Variants in CDH13 observed in about 807,000 individuals in gnomAD.
CDH13 encodes cadherin 13.
In CDH13, 24 loss-of-function variants were observed where a neutral mutation model predicts 63.8. That is an observed-to-expected ratio of 0.38 (90% CI 0.27 to 0.53). CDH13 has a LOEUF of 0.53. Ranked by LOEUF, CDH13 falls within the 20% of genes least tolerant of loss-of-function variation. The pLI, the probability that CDH13 is intolerant of heterozygous loss-of-function variation, is 0.85. For missense variants in CDH13, 1,049 were observed against 903.1 expected (o/e 1.16, Z -2.07); for synonymous variants, 503 against 355.3 (o/e 1.42, Z -4.67).
chr16:83,526,507 C>T (rs1432356395), intron 7 of CDH13, among the ~76,000 whole-genome samples: 1 of 152,138 alleles, frequency 6.6e-6, no homozygotes, highest in African/African-American at 2.4e-5. Context: ...AGGTTTTGCA[C>T]TCCTATCAGG....
At chr16:82,984,611 C>G (rs1176074597) in intron 2 of CDH13, among the ~76,000 whole-genome samples, 2 of 152,140 alleles carry the variant, frequency 1.3e-5, no homozygotes, top group African/African-American at 2.4e-5. Context: ...TGTATTAGCT[C>G]ATTTGTTTGT....
In CDH13 at chr16:83,240,715, A is replaced by ACCT. The variant is rs1567531884; in HGVS notation, c.636+23218_636+23219insCCT. Reference sequence around the variant, plus strand: ...ACATGACTTTAAATTTACTGTCTTAATCTTTTTTTTTTTTTTTTTTTTTTT... The same window carrying ACCT: ...ACATGACTTTAAATTTACTGTCTTAACCTTCTTTTTTTTTTTTTTTTTTTTTTT... On this transcript the variant is annotated intron_variant, in intron 5 of 13. Transcript: ENST00000567109. 3.0e-3 allele frequency among the ~76,000 whole-genome samples: 149 copies of ACCT among 49,510 alleles called. 12 individuals carry two copies. Among genetic ancestry groups the ACCT allele is most frequent in the Non-Finnish European group, 5.7e-3 (134 of 23,704 alleles). 32.5% of individuals were successfully genotyped at this position (49,510 alleles called of 152,430 possible).
At chr16:83,760,284 G>A (rs924895254) in intron 11 of CDH13, among the ~76,000 whole-genome samples, 2 of 152,140 alleles carry the variant, frequency 1.3e-5, no homozygotes, top group African/African-American at 4.8e-5. Flanking sequence ...GTACAGCCAC[G>A]TTGGAAACAT....
At chr16:83,754,317 C>T (rs144346628) in intron 11 of CDH13, among the ~76,000 whole-genome samples, 26 of 152,270 alleles carry the variant, frequency 1.7e-4, no homozygotes, top group African/African-American at 5.5e-4. Flanking sequence ...AATTGGATTT[C>T]CTGGAGCCTT....
chr16:83,338,192 A>AAAAC (rs1447535921), intron 5 of CDH13, among the ~76,000 whole-genome samples: 3 of 151,338 alleles, frequency 2.0e-5, no homozygotes, highest in African/African-American at 7.3e-5. Flanking sequence ...TTTAAAAAAA[A>AAAAC]AAAAAAAAAA....
intron 5 of CDH13, among the ~76,000 whole-genome samples, chr16:83,343,325 A>G (rs2090767901): frequency 6.6e-6 from 1 of 152,218 alleles, no homozygotes; most frequent in South Asian, 2.1e-4. Flanking sequence ...AATAAAGTTT[A>G]AAAATTATTG....
intron 7 of CDH13, among the ~76,000 whole-genome samples, chr16:83,524,660 G>T (rs1025071490): frequency 7.2e-5 from 11 of 151,916 alleles, no homozygotes; most frequent in Admixed American, 3.9e-4. Context: ...CACCATGTTA[G>T]CCAGGATGGT....
chr16:83,159,125 G>A (rs1003760167), intron 4 of CDH13, among the ~76,000 whole-genome samples: 13 of 150,876 alleles, frequency 8.6e-5, no homozygotes, highest in South Asian at 6.3e-4. Context: ...TTTCTGTCTC[G>A]GTAAAAGTTC....
chr16:82,909,300 G>T (rs529001018), intron 2 of CDH13, among the ~76,000 whole-genome samples: 2 of 149,052 alleles, frequency 1.3e-5, no homozygotes, highest in East Asian at 4.0e-4. Context: ...GTGTAGACAC[G>T]TAGAATTTTG....
intron 1 of CDH13, among the ~76,000 whole-genome samples, chr16:82,721,328 A>C (rs987005280): frequency 2.6e-5 from 4 of 152,176 alleles, no homozygotes; most frequent in African/African-American, 9.7e-5. Context: ...AGGAATACAG[A>C]TGAAGGAACA....
chr16:83,304,274 G>T (rs1567577456), intron 5 of CDH13, among the ~76,000 whole-genome samples: 1 of 152,118 alleles, frequency 6.6e-6, no homozygotes, highest in African/African-American at 2.4e-5. Flanking sequence ...GGATGTGTCA[G>T]TTCCATCTTG....
intron 1 of CDH13, among the ~76,000 whole-genome samples, chr16:82,728,712 A>T (rs1787865099): frequency 6.6e-6 from 1 of 152,162 alleles, no homozygotes; most frequent in Non-Finnish European, 1.5e-5. Flanking sequence ...GTTTCTAAAA[A>T]GAAGACCACA....
At chr16:82,987,094 G>T (rs1271292489) in intron 2 of CDH13, among the ~76,000 whole-genome samples, 1 of 152,194 alleles carries the variant, frequency 6.6e-6, no homozygotes, top group Non-Finnish European at 1.5e-5. Context: ...GAGAGGACAT[G>T]TGAATCAGTG....
At position 83,599,491 on chromosome 16, in the gene CDH13, C is replaced by G. The variant is rs76137825; in HGVS notation, c.961-2963C>G. Among the ~76,000 whole-genome samples the G allele has an allele frequency of 2.2e-3, 338 of 152,288 alleles. 2 individuals are homozygous for G. The highest frequency in any genetic ancestry group is 7.8e-3 in the African/African-American group (326 of 41,560). The stretch of plus-strand genomic sequence containing the variant: ...TCCTAGTAATTCCACATCTTGGGAT[C>G]TATCAGTCAAAAACAAACCAAAAAA... On this transcript the variant is annotated intron_variant, in intron 7 of 13. Coordinates refer to ENST00000567109, the MANE Select transcript of CDH13 (RefSeq NM_001257.5).
chr16:83,557,693 A>G (rs1244366271), intron 7 of CDH13, among the ~76,000 whole-genome samples: 1 of 152,076 alleles, frequency 6.6e-6, no homozygotes, highest in Admixed American at 6.6e-5. Context: ...GCAGGAGATA[A>G]GCAGCGGGGA....
At chr16:82,829,897 T>C (rs2038449399) in intron 1 of CDH13, among the ~76,000 whole-genome samples, 1 of 152,182 alleles carries the variant, frequency 6.6e-6, no homozygotes. Context: ...ATGCCTCATC[T>C]CCTTTGAGGA....
chr16:82,856,249 G>T (rs1243552142), intron 1 of CDH13, among the ~76,000 whole-genome samples: 1 of 151,566 alleles, frequency 6.6e-6, no homozygotes, highest in South Asian at 2.1e-4. Context: ...GGTGGCGGGC[G>T]CCTGTAGTCC....
chr16:83,596,548 A>G (rs1214419926), intron 7 of CDH13, among the ~76,000 whole-genome samples: 1 of 152,196 alleles, frequency 6.6e-6, no homozygotes, highest in East Asian at 1.9e-4. Context: ...CCTAAAGAGC[A>G]TCTCTTCCAG....
At chr16:83,586,076 C>A (rs1022420514) in intron 7 of CDH13, among the ~76,000 whole-genome samples, 1 of 152,220 alleles carries the variant, frequency 6.6e-6, no homozygotes, top group African/African-American at 2.4e-5. Flanking sequence ...AATACTATTT[C>A]CAACATGTAG....
Sources: allele counts gnomAD v4.1 joint callset (sites outside exome capture counted in the v4.1 genomes callset), GRCh38; gene constraint gnomAD v4.1.1; transcripts MANE v1.5; gene names NCBI Gene and HGNC (gene_info 2026-07-23, HGNC 2026-07-21).